Variants in TBC1D4 observed in about 807,000 individuals in gnomAD.
TBC1D4 encodes TBC1 domain family member 4.
In TBC1D4, 121 loss-of-function variants were observed where a neutral mutation model predicts 142.5. The observed-to-expected ratio is 0.85, with a 90% CI of 0.73 to 0.99. The LOEUF is 0.99. Ranked by LOEUF, TBC1D4 falls within the 50% of genes least tolerant of loss-of-function variation. TBC1D4 has a pLI of 0.00. For missense variants in TBC1D4, 1,475 were observed against 1,606.6 expected (o/e 0.92, Z 1.40); for synonymous variants, 630 against 628.2 (o/e 1.00, Z -0.04).
chr13:75,303,594 C>T (rs1876820335), intron 15 of TBC1D4, among the ~76,000 whole-genome samples: 1 of 152,198 alleles, frequency 6.6e-6, no homozygotes, highest in Non-Finnish European at 1.5e-5. Context: ...AGTTTGGACA[C>T]ATTGAATCGG....
chr13:75,315,427 T>TAA (rs1878228570), intron 12 of TBC1D4, among the ~76,000 whole-genome samples: 1 of 21,632 alleles, frequency 4.6e-5, no homozygotes, highest in East Asian at 4.4e-3. Context: ...TACACACACA[T>TAA]ATATATATAT....
chr13:75,460,759 A>G (rs1031939961), intron 1 of TBC1D4, among the ~76,000 whole-genome samples: 3 of 152,018 alleles, frequency 2.0e-5, no homozygotes, highest in Admixed American at 1.3e-4. Context: ...CATCTTCACT[A>G]AAAATAAAAA....
At position 75,327,846 on chromosome 13, in the gene TBC1D4, T is replaced by G; in HGVS notation, c.1732-20A>C. On this transcript the variant is annotated intron_variant, in intron 8 of 20. Transcript: ENST00000377636. ...AGCTCCCTGAGTGAAAAGAATAAAA[T>G]TAAGTGCTTCGTGTGATTTAAAATT... 1 of 1,613,158 alleles carries G rather than the reference T, an allele frequency of 6.2e-7. No individual in the cohort carries two copies. Among genetic ancestry groups the G allele is most frequent in the Non-Finnish European group, 8.5e-7 (1 of 1,179,224 alleles).
chr13:75,381,047 G>A (rs1883817984), intron 1 of TBC1D4, among the ~76,000 whole-genome samples: 1 of 152,100 alleles, frequency 6.6e-6, no homozygotes, highest in African/African-American at 2.4e-5. Context: ...ATAAAATAGG[G>A]ATAATACCTG....
intron 1 of TBC1D4, among the ~76,000 whole-genome samples, chr13:75,435,153 T>C (rs1027680652): frequency 6.6e-6 from 1 of 151,978 alleles, no homozygotes; most frequent in African/African-American, 2.4e-5. Flanking sequence ...CCATGTTATA[T>C]TGATTCATAC....
intron 1 of TBC1D4, among the ~76,000 whole-genome samples, chr13:75,373,914 G>A (rs955388518): frequency 1.3e-5 from 2 of 152,156 alleles, no homozygotes; most frequent in African/African-American, 4.8e-5. Context: ...GTGTATGATG[G>A]TTTACGTGAC....
At chr13:75,393,116 T>TACACACACACAC (rs34205789) in intron 1 of TBC1D4, among the ~76,000 whole-genome samples, 4 of 141,402 alleles carry the variant, frequency 2.8e-5, no homozygotes, top group African/African-American at 5.3e-5. Flanking sequence ...TAAATTAAAA[T>TACACACACACAC]ACACACACAC....
intron 17 of TBC1D4, among the ~76,000 whole-genome samples, chr13:75,296,129 C>A (rs578053567): frequency 2.0e-5 from 3 of 151,746 alleles, no homozygotes; most frequent in South Asian, 2.1e-4. Context: ...CGTTTCCACA[C>A]AAACTGTAAA....
intron 15 of TBC1D4, among the ~76,000 whole-genome samples, chr13:75,303,650 A>G (rs1305917155): frequency 1.3e-5 from 2 of 152,220 alleles, no homozygotes; most frequent in Non-Finnish European, 2.9e-5. Context: ...GCTTAATGAC[A>G]GTAATCTCTT....
chr13:75,366,254 T>C (rs945752080), intron 1 of TBC1D4, among the ~76,000 whole-genome samples: 2 of 152,096 alleles, frequency 1.3e-5, no homozygotes, highest in South Asian at 4.1e-4. Flanking sequence ...GACTGACAGG[T>C]TTATATTCTA....
At chr13:75,445,662 A>G (rs1228250732) in intron 1 of TBC1D4, among the ~76,000 whole-genome samples, 1 of 152,254 alleles carries the variant, frequency 6.6e-6, no homozygotes, top group Non-Finnish European at 1.5e-5. Flanking sequence ...GGAAAGAAAA[A>G]AATTCATATT....
chr13:75,319,876 C>G, intron 12 of TBC1D4, 138 bp downstream of exon 12: 1 of 784,982 alleles, frequency 1.3e-6, no homozygotes, highest in Non-Finnish European at 2.1e-6. Flanking sequence ...ATTTTCCCTA[C>G]TATATAGCCC....
rs780391223 is a variant in TBC1D4, at chr13:75,302,213, T to G, written c.2911+30A>C. ...AACAGAGGGATCAGCTGTTTACTTT[T>G]GTAAATTATAATCCACATGACAAAC... On this transcript the variant is annotated intron_variant, in intron 16 of 20. Coordinates refer to ENST00000377636, the MANE Select transcript of TBC1D4 (RefSeq NM_014832.5). 3.7e-6 allele frequency: 6 copies of G among 1,613,928 alleles called. No individual in the cohort carries two copies. The South Asian group carries it at 6.6e-5, about 18-fold the overall frequency.
chr13:75,315,469 T>C (rs1593915795), intron 12 of TBC1D4, among the ~76,000 whole-genome samples: 1 of 149,632 alleles, frequency 6.7e-6, no homozygotes, highest in Non-Finnish European at 1.5e-5. Context: ...TTGGAAAACA[T>C]TAATGCAAGT....
At chr13:75,349,747 G>A (rs932228593) in intron 4 of TBC1D4, among the ~76,000 whole-genome samples, 17 of 152,158 alleles carry the variant, frequency 1.1e-4, no homozygotes, top group Non-Finnish European at 2.2e-4. Flanking sequence ...TACTTTTAGT[G>A]TAAAAGCAAA....
chr13:75,449,867 G>A (rs1482198361), intron 1 of TBC1D4, among the ~76,000 whole-genome samples: 1 of 152,144 alleles, frequency 6.6e-6, no homozygotes, highest in African/African-American at 2.4e-5. Context: ...TTATAGGCAT[G>A]AGGCATCGTG....
chr13:75,432,003 A>G (rs1886609228), intron 1 of TBC1D4, among the ~76,000 whole-genome samples: 1 of 152,236 alleles, frequency 6.6e-6, no homozygotes, highest in South Asian at 2.1e-4. Flanking sequence ...AGTAAAACTT[A>G]GTCAACTGGA....
At chr13:75,317,321 T>C (rs1878400143) in intron 12 of TBC1D4, among the ~76,000 whole-genome samples, 1 of 152,220 alleles carries the variant, frequency 6.6e-6, no homozygotes, top group South Asian at 2.1e-4. Flanking sequence ...GCCTTTTGAT[T>C]GGGTACTTCT....
intron 1 of TBC1D4, among the ~76,000 whole-genome samples, chr13:75,453,863 A>G (rs1887626416): frequency 1.4e-5 from 2 of 146,166 alleles, no homozygotes; most frequent in Admixed American, 1.4e-4. Context: ...CTCTGTCTCA[A>G]AAAAAAAAAA....
Sources: gnomAD v4.1 joint callset for allele counts (sites outside exome capture counted in the v4.1 genomes callset) on GRCh38, gnomAD v4.1.1 for gene constraint, MANE v1.5 for transcripts, NCBI Gene and HGNC (gene_info 2026-07-23, HGNC 2026-07-21) for gene names.